Variants in ZDHHC14 observed in about 807,000 individuals in gnomAD.
ZDHHC14 encodes palmitoyltransferase ZDHHC14.
In ZDHHC14, 16 loss-of-function variants were observed where a neutral mutation model predicts 47.7. That is an observed-to-expected ratio of 0.34 (90% CI 0.23 to 0.51). The LOEUF (loss-of-function observed/expected upper bound fraction) is 0.51. Ranked by LOEUF, ZDHHC14 falls within the 20% of genes least tolerant of loss-of-function variation. The pLI is 0.97. For synonymous variants in ZDHHC14, 293 were observed against 278.9 expected, an observed-to-expected ratio of 1.05 and a Z score of -0.50; for missense variants, 515 against 662.5, an observed-to-expected ratio of 0.78 and a Z score of 2.44.
In ZDHHC14 at chr6:157,470,478, G is replaced by A. The variant is rs76868504; in HGVS notation, c.246-72107G>A. Among the ~76,000 whole-genome samples the A allele has an allele frequency of 9.2e-3, 1,404 of 152,282 alleles. 8 individuals carry two copies. Among genetic ancestry groups the A allele is most frequent in the Non-Finnish European group, 0.016 (1,114 of 68,024 alleles). On this transcript the variant is annotated intron_variant, in intron 1 of 8. Coordinates refer to ENST00000359775, the MANE Select transcript of ZDHHC14 (RefSeq NM_024630.3). ...ATGTATCAACATGTAAAATGCCCATGATAGTATATGGATTGAAAAAGTGTC... is the reference window on the plus strand; with the variant it reads ...ATGTATCAACATGTAAAATGCCCATAATAGTATATGGATTGAAAAAGTGTC...
At chr6:157,396,843 T>G (rs570330138) in intron 1 of ZDHHC14, among the ~76,000 whole-genome samples, 5 of 152,374 alleles carry the variant, frequency 3.3e-5, no homozygotes, top group Admixed American at 6.5e-5. Context: ...TATTTCTTCT[T>G]TGGCTAGAAA....
At chr6:157,577,606 A>G (rs1257183515) in intron 2 of ZDHHC14, among the ~76,000 whole-genome samples, 1 of 152,144 alleles carries the variant, frequency 6.6e-6, no homozygotes, top group Non-Finnish European at 1.5e-5. Flanking sequence ...CTGGAGCTCA[A>G]TGGCATGATC....
chr6:157,625,722 C>T (rs1447112387), intron 3 of ZDHHC14, among the ~76,000 whole-genome samples: 1 of 151,946 alleles, frequency 6.6e-6, no homozygotes, highest in African/African-American at 2.4e-5. Context: ...CCACCATAAA[C>T]TCAACAAACA....
chr6:157,620,149 T>C (rs971731116), intron 3 of ZDHHC14, among the ~76,000 whole-genome samples: 3 of 152,194 alleles, frequency 2.0e-5, no homozygotes, highest in African/African-American at 7.2e-5. Flanking sequence ...AGGGATTTAT[T>C]TCTTAGGGTT....
chr6:157,392,929 G>T (rs1268688660), intron 1 of ZDHHC14, among the ~76,000 whole-genome samples: 1 of 151,970 alleles, frequency 6.6e-6, no homozygotes, highest in Non-Finnish European at 1.5e-5. Context: ...GCCCAGGCTG[G>T]AGTGCAATGG....
intron 2 of ZDHHC14, among the ~76,000 whole-genome samples, chr6:157,543,106 G>A (rs2365607): frequency 0.41 from 61,913 of 151,980 alleles, 12,702 homozygotes; most frequent in Admixed American, 0.45. Context: ...TGCAATCCTT[G>A]GAGCATGACC....
chr6:157,442,619 A>G (rs1168919610), intron 1 of ZDHHC14, among the ~76,000 whole-genome samples: 2 of 152,178 alleles, frequency 1.3e-5, no homozygotes, highest in African/African-American at 2.4e-5. Flanking sequence ...GCAGTCCATC[A>G]GTGTTTTGCC....
chr6:157,470,308 C>G (rs1027220959), intron 1 of ZDHHC14, among the ~76,000 whole-genome samples: 5 of 152,174 alleles, frequency 3.3e-5, no homozygotes, highest in Admixed American at 1.3e-4. Flanking sequence ...AAATTGATCT[C>G]GAACTCCTGA....
intron 1 of ZDHHC14, among the ~76,000 whole-genome samples, chr6:157,432,045 G>A (rs1778349043): frequency 6.6e-6 from 1 of 152,100 alleles, no homozygotes; most frequent in African/African-American, 2.4e-5. Context: ...GCTCTTAAGG[G>A]AAATGTTGCT....
In ZDHHC14 at chr6:157,677,408, A is replaced by G. The variant is rs939929802; in HGVS notation, c.*4286A>G. ...TTGTAAATCAGTAAATCCTCTGTCC[A>G]TCTGCCCATTGTCCATGGTCCTGAT... On this transcript the variant is annotated 3_prime_UTR_variant, in exon 9 of 9. Coordinates refer to ENST00000359775, the MANE Select transcript of ZDHHC14 (RefSeq NM_024630.3). 3 of 151,952 alleles carry G rather than the reference A, an allele frequency of 2.0e-5. No homozygotes were observed. The highest frequency in any genetic ancestry group is 7.3e-5 in the African/African-American group (3 of 41,354). The allele number at this position is 151,952 out of a possible 1,614,324, so 9.4% of individuals were successfully genotyped here.
intron 1 of ZDHHC14, among the ~76,000 whole-genome samples, chr6:157,510,860 C>CCTCGCT (rs1272787918): frequency 1.3e-5 from 2 of 152,252 alleles, no homozygotes; most frequent in African/African-American, 4.8e-5. Flanking sequence ...CTCTGCCTTC[C>CCTCGCT]TCAGACACCT....
At chr6:157,550,809 C>T (rs935294466) in intron 2 of ZDHHC14, among the ~76,000 whole-genome samples, 1 of 152,238 alleles carries the variant, frequency 6.6e-6, no homozygotes, top group African/African-American at 2.4e-5. Context: ...TCTCTTACTG[C>T]ACCAATGTCA....
intron 5 of ZDHHC14, among the ~76,000 whole-genome samples, chr6:157,642,386 A>C (rs1438245261): frequency 6.6e-6 from 1 of 152,208 alleles, no homozygotes; most frequent in Non-Finnish European, 1.5e-5. Context: ...GGCTGGGTGC[A>C]TAGAAGGACA....
intron 2 of ZDHHC14, among the ~76,000 whole-genome samples, chr6:157,561,615 G>A (rs548351056): frequency 6.6e-6 from 1 of 152,226 alleles, no homozygotes; most frequent in East Asian, 1.9e-4. Context: ...ACGCACACCT[G>A]GCACAGAGCA....
chr6:157,492,965 A>G (rs1779965156), intron 1 of ZDHHC14, among the ~76,000 whole-genome samples: 1 of 152,056 alleles, frequency 6.6e-6, no homozygotes, highest in African/African-American at 2.4e-5. Flanking sequence ...ATAAGATATT[A>G]CAGCAGGGGA....
intron 2 of ZDHHC14, among the ~76,000 whole-genome samples, chr6:157,566,645 C>T (rs1035369796): frequency 6.6e-6 from 1 of 152,186 alleles, no homozygotes; most frequent in South Asian, 2.1e-4. Context: ...ACACCCAATG[C>T]CTCTCAGGCA....
intron 8 of ZDHHC14, among the ~76,000 whole-genome samples, chr6:157,658,679 T>C (rs1467871622): frequency 6.6e-6 from 1 of 152,250 alleles, no homozygotes; most frequent in Non-Finnish European, 1.5e-5. Flanking sequence ...TTGGCCATGG[T>C]ATATAATCCT....
intron 1 of ZDHHC14, among the ~76,000 whole-genome samples, chr6:157,510,755 A>G (rs1259513285): frequency 6.6e-6 from 1 of 152,106 alleles, no homozygotes; most frequent in African/African-American, 2.4e-5. Flanking sequence ...GTCCACGTGG[A>G]GCACGCCCCT....
rs187400228 is a variant in ZDHHC14, at chr6:157,650,915, A to T, written c.966-2610A>T. Among the ~76,000 whole-genome samples, 602 of 152,230 alleles carry T rather than the reference A, an allele frequency of 4.0e-3. 3 individuals carry two copies. The highest frequency in any genetic ancestry group is 7.3e-3 in the Non-Finnish European group (496 of 68,006). ...GGTCGGTGCTTTTGGTCCCCCACCA[A>T]TGCTCTAACCTGGTGGGGTCTGAGA... On this transcript the variant is annotated intron_variant, in intron 7 of 8. Coordinates refer to ENST00000359775, the MANE Select transcript of ZDHHC14 (RefSeq NM_024630.3).
Sources: gnomAD v4.1 joint callset for allele counts (sites outside exome capture counted in the v4.1 genomes callset) on GRCh38, gnomAD v4.1.1 for gene constraint, MANE v1.5 for transcripts, NCBI Gene and HGNC (gene_info 2026-07-23, HGNC 2026-07-21) for gene names.